Variants in UBE3A observed in about 807,000 individuals in gnomAD.
The protein encoded by UBE3A is ubiquitin protein ligase E3A.
A neutral mutation model predicts 83.4 loss-of-function variants in UBE3A; 6 were observed. That is an observed-to-expected ratio of 0.07 (90% confidence interval 0.04 to 0.14). The LOEUF (loss-of-function observed/expected upper bound fraction) is 0.14, where lower values mean the gene tolerates loss of function less well. Ranked by LOEUF, UBE3A falls within the 10% of genes least tolerant of loss-of-function variation. The probability of loss-of-function intolerance (pLI) is 1.00; values close to 1 mark genes in which losing one functional copy is unlikely to be tolerated. For missense variants in UBE3A, 456 were observed against 1,036.1 expected, an observed-to-expected ratio of 0.44 and a Z score of 7.69; for synonymous variants, 337 against 355.4, an observed-to-expected ratio of 0.95 and a Z score of 0.58.
intron 4 of UBE3A, among the ~76,000 whole-genome samples, chr15:25,398,816 A>AT (rs1567069211): frequency 0.025 from 1,015 of 40,270 alleles, 17 homozygotes; most frequent in East Asian, 0.041. Flanking sequence ...TATATATATA[A>AT]AAATACATAT....
chr15:25,399,707 T>C (rs2086620949), intron 4 of UBE3A, among the ~76,000 whole-genome samples: 1 of 151,828 alleles, frequency 6.6e-6, no homozygotes, highest in South Asian at 2.1e-4. Flanking sequence ...TAGCTAGGAC[T>C]ACAGATACAC....
intron 4 of UBE3A, among the ~76,000 whole-genome samples, chr15:25,390,183 C>T (rs963178887): frequency 6.6e-6 from 1 of 152,188 alleles, no homozygotes; most frequent in African/African-American, 2.4e-5. Context: ...GAAACACTCA[C>T]TCATTGCTGG....
chr15:25,367,308 T>C (rs2079469306), intron 6 of UBE3A, among the ~76,000 whole-genome samples: 1 of 143,728 alleles, frequency 7.0e-6, no homozygotes, highest in South Asian at 2.1e-4. Context: ...ACATATTAAA[T>C]TAAATTACAT....
intron 4 of UBE3A, among the ~76,000 whole-genome samples, chr15:25,400,103 GATA>G (rs150214122): frequency 0.046 from 7,044 of 152,138 alleles, 204 homozygotes; most frequent in African/African-American, 0.065. Context: ...GATTGCTTTG[GATA>G]ATAAAAACAT....
rs1299159471 is a variant in UBE3A at position 25,335,596 on chromosome 15, G to A, written c.*3541C>T. ...TGACAACCTGTGACAATTGAGGAAT[G>A]AGAGATTTTGATGATTGGGGTGAAG... On this transcript the variant is annotated 3_prime_UTR_variant, in exon 13 of 13. Transcript: ENST00000648336. 1 of 152,178 alleles carries A rather than the reference G, an allele frequency of 6.6e-6. No individual in the cohort carries two copies. The highest frequency in any genetic ancestry group is 2.4e-5 in the African/African-American group (1 of 41,438). The allele number at this position is 152,178 out of a possible 1,614,324, so 9.4% of individuals were successfully genotyped here.
chr15:25,353,985 G>A (rs191229199), intron 11 of UBE3A: 10 of 268,618 alleles, frequency 3.7e-5, no homozygotes, highest in Admixed American at 9.9e-5. Context: ...TTGATCCTGG[G>A]AAGCCATGTA....
chr15:25,389,652 C>G (rs1260248089), intron 4 of UBE3A, among the ~76,000 whole-genome samples: 1 of 152,112 alleles, frequency 6.6e-6, no homozygotes, highest in Non-Finnish European at 1.5e-5. Flanking sequence ...CTTTGGGAGG[C>G]CAAGGTGGGT....
chr15:25,341,783 CAAAAAAAA>C (rs60827150), intron 11 of UBE3A, among the ~76,000 whole-genome samples: 4 of 81,650 alleles, frequency 4.9e-5, no homozygotes, highest in Non-Finnish European at 7.8e-5. Flanking sequence ...AATTTCATCT[CAAAAAAAA>C]AAAAAAAAAA....
At chr15:25,367,266 T>TAAATATGC (rs1405049865) in intron 6 of UBE3A, among the ~76,000 whole-genome samples, 1 of 122,990 alleles carries the variant, frequency 8.1e-6, no homozygotes, top group Non-Finnish European at 1.7e-5. Flanking sequence ...TGTAAATATG[T>TAAATATGC]AAATATTTAC....
rs1566887115 is a variant in UBE3A, at chr15:25,354,339, AC to A, written c.2354+13del. ...GGTGAATCAAATCTTCCTCTGAAGA[AC>A]TAAGTACCTCACCTAATCAGAACAG... On this transcript the variant is annotated intron_variant, in intron 11 of 12. Coordinates refer to ENST00000648336, the MANE Select transcript of UBE3A (RefSeq NM_130839.5). 4 of 1,611,660 alleles carry A rather than the reference AC, an allele frequency of 2.5e-6. No individual in the cohort carries two copies. The Admixed American group carries it at 5.0e-5, about 20-fold the overall frequency.
At chr15:25,389,874 C>T (rs774677484) in intron 4 of UBE3A, among the ~76,000 whole-genome samples, 3 of 151,252 alleles carry the variant, frequency 2.0e-5, no homozygotes, top group African/African-American at 7.3e-5. Flanking sequence ...GGTGACAGAG[C>T]GAGGCTCTGT....
At chr15:25,354,726 T>G in intron 9 of UBE3A, 43 bp from the exon 10 acceptor site, 1 of 1,571,060 alleles carries the variant, frequency 6.4e-7, no homozygotes, top group South Asian at 1.1e-5. Flanking sequence ...TAATATGCTA[T>G]GCAAACAAAA....
chr15:25,354,745 A>ATTGG lies in UBE3A; in HGVS notation c.2125-66_2125-63dup, dbSNP rs369714589. Reference sequence around the variant, plus strand: ...ATGCTATGCAAACAAAACACAAGTTATTGGGCTGCATAGCTTTTTAATTTT... The same window carrying ATTGG: ...ATGCTATGCAAACAAAACACAAGTTATTGGTTGGGCTGCATAGCTTTTTAATTTT... On this transcript the variant is annotated intron_variant, in intron 9 of 12. Coordinates refer to ENST00000648336, the MANE Select transcript of UBE3A (RefSeq NM_130839.5). 8.1e-5 allele frequency: 117 copies of ATTGG among 1,446,094 alleles called. No homozygotes were observed. The African/African-American group carries it at 1.5e-3, about 19-fold the overall frequency. 89.6% of individuals were successfully genotyped at this position (1,446,094 alleles called of 1,614,324 possible). A position where few individuals can be genotyped will look rare whatever the true frequency, so the allele number is the denominator to read the frequency against.
In UBE3A at chr15:25,338,593, T is replaced by C. The variant is rs934189188; in HGVS notation, c.*544A>G. On this transcript the variant is annotated 3_prime_UTR_variant, in exon 13 of 13. Transcript: ENST00000648336. ...TAGAACAGCAGTAATTGCATCACACTGTTTTCAAGACTTCAAGTTTCAAAA... is the reference window on the plus strand; with the variant it reads ...TAGAACAGCAGTAATTGCATCACACCGTTTTCAAGACTTCAAGTTTCAAAA... 2.4e-4 allele frequency: 36 copies of C among 152,196 alleles called. No homozygotes were observed. The highest frequency in any genetic ancestry group is 8.7e-4 in the African/African-American group (36 of 41,498). 9.4% of individuals were successfully genotyped at this position (152,196 alleles called of 1,614,324 possible).
intron 4 of UBE3A, among the ~76,000 whole-genome samples, chr15:25,376,038 G>T (rs2081150255): frequency 6.6e-6 from 1 of 152,076 alleles, no homozygotes; most frequent in Non-Finnish European, 1.5e-5. Flanking sequence ...GGGGAGGGGG[G>T]CTTGTCTGAT....
chr15:25,412,456 A>G (rs913680097), intron 1 of UBE3A, among the ~76,000 whole-genome samples: 4 of 152,188 alleles, frequency 2.6e-5, no homozygotes, highest in African/African-American at 9.7e-5. Context: ...TGTAGCAGAG[A>G]AAATGCGTTA....
intron 4 of UBE3A, among the ~76,000 whole-genome samples, chr15:25,404,642 TTCTC>T (rs1488480598): frequency 6.7e-6 from 1 of 150,166 alleles, no homozygotes; most frequent in Non-Finnish European, 1.5e-5. Flanking sequence ...CTTCAATCCT[TTCTC>T]TCTTGCAAGG....
At position 25,429,868 on chromosome 15, in the gene UBE3A, G is replaced by T. The variant is rs113921600; in HGVS notation, c.-165+8621C>A. ...AAAAATACAAAAATTAGCCGGGCGT[G>T]GTAGTGCACACCTGTAGTCTCTGCT... On this transcript the variant is annotated intron_variant, in intron 1 of 12. Coordinates refer to ENST00000648336, the MANE Select transcript of UBE3A (RefSeq NM_130839.5). Among the ~76,000 whole-genome samples the T allele has an allele frequency of 1.9e-3, 285 of 149,482 alleles. 2 individuals are homozygous for T. Among genetic ancestry groups the T allele is most frequent in the African/African-American group, 6.8e-3 (274 of 40,298 alleles).
At chr15:25,380,080 T>TTA (rs1456516091) in intron 4 of UBE3A, among the ~76,000 whole-genome samples, 1 of 152,096 alleles carries the variant, frequency 6.6e-6, no homozygotes, top group African/African-American at 2.4e-5. Flanking sequence ...GCTGTTCTTG[T>TTA]GGTAGTAAGT....
Sources: gnomAD v4.1 joint callset for allele counts (sites outside exome capture counted in the v4.1 genomes callset) on GRCh38, gnomAD v4.1.1 for gene constraint, MANE v1.5 for transcripts, NCBI Gene and HGNC (gene_info 2026-07-23, HGNC 2026-07-21) for gene names.